The following ANKFN1 variants were observed in gnomAD, a reference collection of about 807,000 sequenced individuals.
ANKFN1 encodes the protein ankyrin repeat and fibronectin type-III domain-containing protein 1.
ANKFN1 carries 74 observed loss-of-function variants against 108.7 expected under a neutral mutation model. The observed-to-expected ratio is 0.68, with a 90% CI of 0.56 to 0.83. The LOEUF is 0.83. Among genes scored for constraint, ANKFN1 ranks in the 40% least tolerant of loss-of-function variants. The pLI, the probability that ANKFN1 is intolerant of heterozygous loss-of-function variation, is 0.00. For missense variants in ANKFN1, 1,505 were observed against 1,382.3 expected, an observed-to-expected ratio of 1.09 and a Z score of -1.41; for synonymous variants, 547 against 516.2, an observed-to-expected ratio of 1.06 and a Z score of -0.81.
In ANKFN1 at chr17:56,440,530, G is replaced by A. The variant is rs952319314; in HGVS notation, c.1008+106G>A. ...AGCAACAGCCAACGCCCAGTCCTCT[G>A]GCAACAACTGCCACTCATTAAGCAT... On this transcript the variant is annotated intron_variant, in intron 9 of 20. Transcript: ENST00000682825. The A allele has an allele frequency of 1.2e-5, 9 of 776,228 alleles. No homozygotes were observed. The African/African-American group carries it at 1.4e-4, about 12-fold the overall frequency. 48.1% of individuals were successfully genotyped at this position (776,228 alleles called of 1,614,324 possible). A position where few individuals can be genotyped will look rare whatever the true frequency, so the allele number is the denominator to read the frequency against.
chr17:56,115,745 T>C (rs894606256), intron 4 of ANKFN1, among the ~76,000 whole-genome samples: 1 of 152,172 alleles, frequency 6.6e-6, no homozygotes, highest in Non-Finnish European at 1.5e-5. Context: ...AAGAAAATGC[T>C]CCAGCATACA....
chr17:56,136,085 A>G (rs890756076), intron 4 of ANKFN1, among the ~76,000 whole-genome samples: 28 of 152,286 alleles, frequency 1.8e-4, no homozygotes, highest in African/African-American at 6.5e-4. Context: ...CCTGGAGGAA[A>G]TGATCTGTCA....
rs77236815 is a variant in ANKFN1 at position 56,102,658 on chromosome 17, C to T, written c.288+56333C>T. ...TTTTTTTTTTCAGGAAATAGAGTCA[C>T]AGGAATCTGTATTGTCAAGTTCTCC... is the stretch of plus-strand genomic sequence containing the variant. On this transcript the variant is annotated intron_variant, in intron 4 of 12. Coordinates refer to the ANKFN1 transcript ENST00000635860. Among the ~76,000 whole-genome samples, 1,088 of 151,538 alleles carry T rather than the reference C, an allele frequency of 7.2e-3. 12 individuals carry two copies. Among genetic ancestry groups the T allele is most frequent in the African/African-American group, 0.025 (1,036 of 41,274 alleles).
Position 56,404,042 on chromosome 17 carries a change from C to T in ANKFN1, c.910+29328C>T, listed in dbSNP as rs139876902. Among the ~76,000 whole-genome samples the T allele has an allele frequency of 1.1e-4, 16 of 152,158 alleles. No individual in the cohort carries two copies. The East Asian group carries it at 2.9e-3, about 28-fold the overall frequency. On this transcript the variant is annotated intron_variant, in intron 8 of 20. Coordinates refer to ENST00000682825, the MANE Select transcript of ANKFN1 (RefSeq NM_001370326.1). The stretch of plus-strand genomic sequence containing the variant: ...TCCTGCTGAGAAATCTTCTGCTAAT[C>T]CAAGTTTTTCCTTTATAGGTTACCT...
At chr17:56,326,495 C>A in intron 4 of ANKFN1, 140 bp downstream of exon 4, 1 of 1,072,406 alleles carries the variant, frequency 9.3e-7, no homozygotes, top group Non-Finnish European at 1.3e-6. Flanking sequence ...TGCAGGTGGT[C>A]CATGAAGAAT....
chr17:56,086,382 G>A (rs144717361), intron 4 of ANKFN1, among the ~76,000 whole-genome samples: 1 of 151,168 alleles, frequency 6.6e-6, no homozygotes, highest in Non-Finnish European at 1.5e-5. Flanking sequence ...TCCAGCCTGG[G>A]CAACAAGAGC....
chr17:56,498,989 C>G lies in ANKFN1; in HGVS notation c.2535C>G (p.Pro845=). 1 of 1,535,772 alleles carries G rather than the reference C, an allele frequency of 6.5e-7. No homozygotes were observed. Among genetic ancestry groups the G allele is most frequent in the Non-Finnish European group, 8.7e-7 (1 of 1,146,664 alleles). ...SGLPITKLID[P]SDEQSLKKIN... ...TGCCCATCACTAAGCTGATAGACCCCTCAGATGAGCAGAGCCTAAAGAAGA... is the reference window on the plus strand; with the variant it reads ...TGCCCATCACTAAGCTGATAGACCCGTCAGATGAGCAGAGCCTAAAGAAGA... Residue 845 remains proline (P), a synonymous_variant, in exon 20 of 21, where the codon CCC becomes CCG. Coordinates refer to ENST00000682825, the MANE Select transcript of ANKFN1 (RefSeq NM_001370326.1).
intron 3 of ANKFN1, among the ~76,000 whole-genome samples, chr17:56,240,816 T>A (rs150739207): frequency 1.8e-3 from 274 of 152,278 alleles, no homozygotes; most frequent in African/African-American, 6.4e-3. Flanking sequence ...CTTGGTCATA[T>A]TTTTGTGAAT....
At chr17:56,329,273 A>G (rs2045600627) in intron 4 of ANKFN1, among the ~76,000 whole-genome samples, 1 of 152,118 alleles carries the variant, frequency 6.6e-6, no homozygotes, top group South Asian at 2.1e-4. Context: ...CAAAGCCCAG[A>G]AAAACTTCAT....
At chr17:56,273,095 C>G (rs1351263322) in intron 3 of ANKFN1, among the ~76,000 whole-genome samples, 1 of 152,178 alleles carries the variant, frequency 6.6e-6, no homozygotes, top group Non-Finnish European at 1.5e-5. Flanking sequence ...TTGCACATGG[C>G]TGACACTCCG....
chr17:56,056,754 T>G (rs1904884100), intron 4 of ANKFN1, among the ~76,000 whole-genome samples: 1 of 152,238 alleles, frequency 6.6e-6, no homozygotes. Context: ...CTTCTGGACA[T>G]TTGCCTAGGC....
chr17:56,134,033 A>C (rs544399842), intron 4 of ANKFN1, among the ~76,000 whole-genome samples: 19 of 152,286 alleles, frequency 1.2e-4, no homozygotes, highest in African/African-American at 4.1e-4. Flanking sequence ...TATACTATAC[A>C]AGTATACTGT....
chr17:56,394,696 C>T (rs1351270368), intron 8 of ANKFN1, among the ~76,000 whole-genome samples: 1 of 152,140 alleles, frequency 6.6e-6, no homozygotes, highest in Non-Finnish European at 1.5e-5. Context: ...GGCAGGTCTC[C>T]ACTCAAGGCA....
intron 4 of ANKFN1, among the ~76,000 whole-genome samples, chr17:56,143,739 G>A (rs1219836632): frequency 6.6e-6 from 1 of 152,146 alleles, no homozygotes; most frequent in Non-Finnish European, 1.5e-5. Context: ...AAAGGAGAGG[G>A]ATATGTGACA....
chr17:56,248,376 C>T (rs1267367077), intron 3 of ANKFN1, among the ~76,000 whole-genome samples: 1 of 152,106 alleles, frequency 6.6e-6, no homozygotes, highest in African/African-American at 2.4e-5. Flanking sequence ...TCTCATGTTC[C>T]CCCAAAGTTT....
rs532296228 is a variant in ANKFN1 at position 56,224,284 on chromosome 17, C to T, written c.13-3633C>T. 2.6e-5 allele frequency among the ~76,000 whole-genome samples: 4 copies of T among 152,318 alleles called. No individual in the cohort carries two copies. The South Asian group carries it at 6.2e-4, about 24-fold the overall frequency. On this transcript the variant is annotated intron_variant, in intron 2 of 20. Coordinates refer to ENST00000682825, the MANE Select transcript of ANKFN1 (RefSeq NM_001370326.1). ...CAGGTAATTTACGTGGTTACCTATA[C>T]TCCTGAGAATCAGTGGGATAGAGAA...
At chr17:56,267,435 T>G (rs1177893771) in intron 3 of ANKFN1, among the ~76,000 whole-genome samples, 1 of 152,232 alleles carries the variant, frequency 6.6e-6, no homozygotes, top group African/African-American at 2.4e-5. Context: ...CAGTCGTCAA[T>G]TTTAGTTTTT....
chr17:56,264,277 T>G (rs1172729295), intron 3 of ANKFN1, among the ~76,000 whole-genome samples: 1 of 152,206 alleles, frequency 6.6e-6, no homozygotes, highest in African/African-American at 2.4e-5. Context: ...TCTTCTCCTC[T>G]GCAGAAGGAT....
At chr17:56,294,254 GT>G (rs1419843223) in intron 3 of ANKFN1, among the ~76,000 whole-genome samples, 4 of 152,170 alleles carry the variant, frequency 2.6e-5, no homozygotes, top group Non-Finnish European at 5.9e-5. Flanking sequence ...TTTCCCTCCA[GT>G]GGCTGGTAAT....
Sources: allele counts gnomAD v4.1 joint callset (sites outside exome capture counted in the v4.1 genomes callset), GRCh38; gene constraint gnomAD v4.1.1; transcripts MANE v1.5; gene names NCBI Gene and HGNC (gene_info 2026-07-23, HGNC 2026-07-21).